The following NKX6-1 variants were observed in gnomAD, a reference collection of about 807,000 sequenced individuals.
NKX6-1 encodes NK6 homeobox 1, also known as homeobox protein Nkx-6.1.
Under a neutral mutation model 24.9 loss-of-function variants are expected in NKX6-1, and 11 were observed. The ratio of observed to expected loss-of-function variants is 0.44; its 90% CI spans 0.28 to 0.73. The LOEUF (loss-of-function observed/expected upper bound fraction) is 0.73. Ranked by LOEUF, NKX6-1 falls within the 30% of genes least tolerant of loss-of-function variation. The probability of loss-of-function intolerance (pLI) is 0.15; values close to 1 mark genes in which losing one functional copy is unlikely to be tolerated. For synonymous variants in NKX6-1, 277 were observed against 242.9 expected (o/e 1.14, Z -1.31); for missense variants, 487 against 502.9 (o/e 0.97, Z 0.30).
Position 84,497,135 on chromosome 4 carries a change from C to A in NKX6-1, c.670+424G>T, listed in dbSNP as rs1276907229. On this transcript the variant is annotated intron_variant, in intron 1 of 2. Coordinates refer to ENST00000295886, the MANE Select transcript of NKX6-1 (RefSeq NM_006168.3). This position sits in a 1 kb window ranked among gnomAD's most constrained non-coding sequence, Gnocchi z 4.8. ...GGCGAAGGCGGAATGGGGCGCTGGA[C>A]GACAGGGAGGAGCCGGGAAAGCAGA... Among the ~76,000 whole-genome samples, 1 of 152,134 alleles carries A rather than the reference C, an allele frequency of 6.6e-6. No individual in the cohort carries two copies. Among genetic ancestry groups the A allele is most frequent in the East Asian group, 1.9e-4 (1 of 5,142 alleles).
Position 84,493,801 on chromosome 4 carries a change from T to C in NKX6-1, c.844-252A>G, listed in dbSNP as rs1332608875. ...CGATGGTAACACAAGAGTATTGAGG[T>C]TGTCAGTGAGCGAGTTCTCAAAAGT... On this transcript the variant is annotated intron_variant, in intron 2 of 2. Transcript: ENST00000295886. This position sits in a 1 kb window ranked among gnomAD's most constrained non-coding sequence, Gnocchi z 5.1. 6.6e-6 allele frequency among the ~76,000 whole-genome samples: 1 copy of C among 152,090 alleles called. No homozygotes were observed. Among genetic ancestry groups the C allele is most frequent in the African/African-American group, 2.4e-5 (1 of 41,386 alleles).
chr4:84,496,327 C>T (rs572707098), intron 1 of NKX6-1, among the ~76,000 whole-genome samples: 1 of 151,946 alleles, frequency 6.6e-6, no homozygotes, highest in South Asian at 2.1e-4. Context: ...AGAGCTAAAT[C>T]GCCCCCAAGT....
chr4:84,495,280 C>G (rs988418901), intron 2 of NKX6-1, among the ~76,000 whole-genome samples: 1 of 152,160 alleles, frequency 6.6e-6, no homozygotes, highest in African/African-American at 2.4e-5. Flanking sequence ...CCTGAATTGA[C>G]AAACAAAAAC....
At position 84,493,193 on chromosome 4, in the gene NKX6-1, G is replaced by A. The variant is rs901833511; in HGVS notation, c.*96C>T. 3.9e-5 allele frequency: 47 copies of A among 1,203,732 alleles called. No individual in the cohort carries two copies. The highest frequency in any genetic ancestry group is 4.8e-5 in the African/African-American group (3 of 62,176). The allele number at this position is 1,203,732 out of a possible 1,614,324, so 74.6% of individuals were successfully genotyped here. ...GGCAGGGCCGGGTCCTCCGGGCCCC[G>A]AGGAGCGGGCAGGCGCGGCGTGCAC... On this transcript the variant is annotated 3_prime_UTR_variant, in exon 3 of 3. Coordinates refer to ENST00000295886, the MANE Select transcript of NKX6-1 (RefSeq NM_006168.3). The surrounding 1 kb of genome is among the most constrained non-coding windows in gnomAD (Gnocchi z 5.1).
rs775016714 is a variant in NKX6-1, at chr4:84,497,952, C to T, written c.277G>A (p.Ala93Thr). Residue 93 changes from alanine to threonine, a missense_variant, in exon 1 of 3, where the codon GCC becomes ACC. Around this residue, in one of 3 missense-constraint regions of NKX6-1, gnomAD observed 316 missense variants for 311.4 expected, o/e 1.01. Transcript: ENST00000295886. The surrounding 1 kb of genome is among the most constrained non-coding windows in gnomAD (Gnocchi z 4.8). ...LGSPPQQLSA[A>T]TPHGINDILS... Reference sequence around the variant, plus strand: ...ATATCGTTGATGCCGTGTGGGGTGGCGGCCGAGAGCTGCTGCGGGGGGCTG... The same window carrying T: ...ATATCGTTGATGCCGTGTGGGGTGGTGGCCGAGAGCTGCTGCGGGGGGCTG... 13 of 1,299,362 alleles carry T rather than the reference C, an allele frequency of 1.0e-5. No homozygotes were observed. Among genetic ancestry groups the T allele is most frequent in the Non-Finnish European group, 1.3e-5 (13 of 1,020,258 alleles). 80.5% of individuals were successfully genotyped at this position (1,299,362 alleles called of 1,614,324 possible).
chr4:84,497,593 C>T lies in NKX6-1; in HGVS notation c.636G>A (p.Pro212=), dbSNP rs556633567. ...AGGCCAGGCGTGCGTCCCTCCAGGGCGGGCTCTGCATCACTCCGGGCCAGA... is the reference window on the plus strand; with the variant it reads ...AGGCCAGGCGTGCGTCCCTCCAGGGTGGGCTCTGCATCACTCCGGGCCAGA... ...PIFWPGVMQS[P]PWRDARLACT... is the part of the protein sequence containing the mutation. The change falls in exon 1 of 3, where the codon CCG becomes CCA. Residue 212 remains proline (P), a synonymous_variant. Transcript: ENST00000295886. This position sits in a 1 kb window ranked among gnomAD's most constrained non-coding sequence, Gnocchi z 4.8. The T allele has an allele frequency of 1.6e-6, 2 of 1,271,852 alleles. No individual in the cohort carries two copies. The highest frequency in any genetic ancestry group is 1.5e-5 in the African/African-American group (1 of 64,778). The allele number at this position is 1,271,852 out of a possible 1,614,324, so 78.8% of individuals were successfully genotyped here.
rs77793345 is a variant in NKX6-1 at position 84,493,955 on chromosome 4, T to C, written c.844-406A>G. 3.3e-3 allele frequency among the ~76,000 whole-genome samples: 508 copies of C among 152,346 alleles called. 3 individuals carry two copies. The highest frequency in any genetic ancestry group is 0.01 in the Middle Eastern group (3 of 294). ...CCACAGTGGCTGTGATTTTATTCCTTATTTACTTTCTTAAATTAAGAAATT... is the reference window on the plus strand; with the variant it reads ...CCACAGTGGCTGTGATTTTATTCCTCATTTACTTTCTTAAATTAAGAAATT... On this transcript the variant is annotated intron_variant, in intron 2 of 2. Coordinates refer to ENST00000295886, the MANE Select transcript of NKX6-1 (RefSeq NM_006168.3). The surrounding 1 kb of genome is among the most constrained non-coding windows in gnomAD (Gnocchi z 5.1).
At position 84,498,717 on chromosome 4, in the gene NKX6-1, C is replaced by T. The variant is rs1454919693; in HGVS notation, c.-489G>A. Among the ~76,000 whole-genome samples the T allele has an allele frequency of 1.3e-5, 2 of 152,194 alleles. No individual in the cohort carries two copies. Among genetic ancestry groups the T allele is most frequent in the Non-Finnish European group, 2.9e-5 (2 of 68,046 alleles). On this transcript the variant is annotated 5_prime_UTR_variant, in exon 1 of 3. Coordinates refer to ENST00000295886, the MANE Select transcript of NKX6-1 (RefSeq NM_006168.3). ...GAGGTTCAAAGGACGCCTTGTGCAG[C>T]CCGTGGCGCTCCTCTGATCTTACTG...
At position 84,497,788 on chromosome 4, in the gene NKX6-1, T is replaced by C. The variant is rs1315993227; in HGVS notation, c.441A>G (p.Ala147=). Residue 147 remains alanine, a synonymous_variant, in exon 1 of 3, where the codon GCA becomes GCG. Transcript: ENST00000295886. This position sits in a 1 kb window ranked among gnomAD's most constrained non-coding sequence, Gnocchi z 4.8. The part of the protein sequence containing the change: ...SAAAAAAAAA[A]AAASSPAGLL... Reference sequence around the variant, plus strand: ...GCCCCGCCGGGGATGAGGCGGCGGCTGCGGCCGCGGCAGCAGCCGCGGCGG... The same window carrying C: ...GCCCCGCCGGGGATGAGGCGGCGGCCGCGGCCGCGGCAGCAGCCGCGGCGG... The C allele has an allele frequency of 1.1e-5, 14 of 1,271,024 alleles. No homozygotes were observed. The highest frequency in any genetic ancestry group is 1.4e-5 in the Non-Finnish European group (14 of 1,012,300). The allele number at this position is 1,271,024 out of a possible 1,614,324, so 78.7% of individuals were successfully genotyped here. A position where few individuals can be genotyped will look rare whatever the true frequency, so the allele number is the denominator to read the frequency against.
At position 84,493,030 on chromosome 4, in the gene NKX6-1, A is replaced by G. The variant is rs565926645; in HGVS notation, c.*259T>C. 6 of 268,648 alleles carry G rather than the reference A, an allele frequency of 2.2e-5. 1 individual carries two copies. The highest frequency in any genetic ancestry group is 1.1e-4 in the Admixed American group (2 of 18,604). 16.6% of individuals were successfully genotyped at this position (268,648 alleles called of 1,614,324 possible). On this transcript the variant is annotated 3_prime_UTR_variant, in exon 3 of 3. Transcript: ENST00000295886. The surrounding 1 kb of genome is among the most constrained non-coding windows in gnomAD (Gnocchi z 5.1). ...CCGTGGCCCGGCTGCGGGTTTCAGT[A>G]GCGACATTTACGCAGTGCATTTGGT...
At chr4:84,496,130 A>G (rs957833217) in intron 1 of NKX6-1, among the ~76,000 whole-genome samples, 4 of 152,178 alleles carry the variant, frequency 2.6e-5, no homozygotes, top group Admixed American at 6.5e-5. Context: ...AGTTTGCCAG[A>G]GCCTAATCGC....
chr4:84,497,691 T>C lies in NKX6-1; in HGVS notation c.538A>G (p.Ser180Gly). ...CCCACGGCGGCCACGGCCGCGGCGC[T>C]GGGGCTGAAGTAGAGCCCGGGCGGC... ...PPPPGLYFSP[S>G]AAAVAAVGRY... Residue 180 changes from serine to glycine, a missense_variant, in exon 1 of 3, where the codon AGC (serine) becomes GGC (glycine). Around this residue, in one of 3 missense-constraint regions of NKX6-1, gnomAD observed 316 missense variants for 311.4 expected, o/e 1.01. Coordinates refer to ENST00000295886, the MANE Select transcript of NKX6-1 (RefSeq NM_006168.3). The surrounding 1 kb of genome is among the most constrained non-coding windows in gnomAD (Gnocchi z 4.8). 7.9e-7 allele frequency: 1 copy of C among 1,271,042 alleles called. No homozygotes were observed. 78.7% of individuals were successfully genotyped at this position (1,271,042 alleles called of 1,614,324 possible).
rs1720850357 is a variant in NKX6-1, at chr4:84,497,782, GGCGGCTGCGGCC to G, written c.435_446del (p.Ala147_Ala150del). 2 of 1,273,060 alleles carry G rather than the reference GGCGGCTGCGGCC, an allele frequency of 1.6e-6. No individual in the cohort carries two copies. Among genetic ancestry groups the G allele is most frequent in the Non-Finnish European group, 2.0e-6 (2 of 1,013,294 alleles). 78.9% of individuals were successfully genotyped at this position (1,273,060 alleles called of 1,614,324 possible). A position where few individuals can be genotyped will look rare whatever the true frequency, so the allele number is the denominator to read the frequency against. On this transcript the variant is annotated inframe_deletion, in exon 1 of 3. Coordinates refer to ENST00000295886, the MANE Select transcript of NKX6-1 (RefSeq NM_006168.3). The surrounding 1 kb of genome is among the most constrained non-coding windows in gnomAD (Gnocchi z 4.8). ...CCAGCAGCCCCGCCGGGGATGAGGC[GGCGGCTGCGGCC>G]GCGGCAGCAGCCGCGGCGGCGGCAG...
rs1347345857 is a variant in NKX6-1, at chr4:84,498,622, T to A, written c.-394A>T. 6.6e-6 allele frequency among the ~76,000 whole-genome samples: 1 copy of A among 151,930 alleles called. No individual in the cohort carries two copies. The highest frequency in any genetic ancestry group is 1.9e-4 in the East Asian group (1 of 5,154). On this transcript the variant is annotated 5_prime_UTR_variant, in exon 1 of 3. Coordinates refer to ENST00000295886, the MANE Select transcript of NKX6-1 (RefSeq NM_006168.3). The stretch of plus-strand genomic sequence containing the variant: ...CAAAACCCAGGCTGGCTCCGGAGAG[T>A]TTGTAGCAAAGTTAGTTGCCGAATC...
At position 84,497,733 on chromosome 4, in the gene NKX6-1, G is replaced by T; in HGVS notation, c.496C>A (p.Leu166Met). 7.8e-7 allele frequency: 1 copy of T among 1,275,910 alleles called. No individual in the cohort carries two copies. The highest frequency in any genetic ancestry group is 9.9e-7 in the Non-Finnish European group (1 of 1,011,330). 79.0% of individuals were successfully genotyped at this position (1,275,910 alleles called of 1,614,324 possible). Reference sequence around the variant, plus strand: ...CCGGGCGGCGGCGGCGGCGGGCTCAGGCTGCTAAAGCGTGGCAGTCCGGCC... The same window carrying T: ...CCGGGCGGCGGCGGCGGCGGGCTCATGCTGCTAAAGCGTGGCAGTCCGGCC... ...LLAGLPRFSS[L>M]SPPPPPPGLY... The change falls in exon 1 of 3, where the codon CTG (leucine) becomes ATG (methionine). Residue 166 changes from leucine (L) to methionine (M), a missense_variant. By Grantham distance (15) the Leu-to-Met change is conservative. Coordinates refer to ENST00000295886, the MANE Select transcript of NKX6-1 (RefSeq NM_006168.3). The surrounding 1 kb of genome is among the most constrained non-coding windows in gnomAD (Gnocchi z 4.8).
chr4:84,493,594 ATTAAAC>A lies in NKX6-1; in HGVS notation c.844-51_844-46del. The A allele has an allele frequency of 6.2e-7, 1 of 1,609,048 alleles. No individual in the cohort carries two copies. Among genetic ancestry groups the A allele is most frequent in the Non-Finnish European group, 8.5e-7 (1 of 1,176,972 alleles). On this transcript the variant is annotated intron_variant, in intron 2 of 2. Coordinates refer to ENST00000295886, the MANE Select transcript of NKX6-1 (RefSeq NM_006168.3). This position sits in a 1 kb window ranked among gnomAD's most constrained non-coding sequence, Gnocchi z 5.1. ...AGGAGAGGGGAGGCAAGGGCGAGGAATTAAACGAGCAGATCCAGGCCATGCTACCAC... is the reference window on the plus strand; with the variant it reads ...AGGAGAGGGGAGGCAAGGGCGAGGAAGAGCAGATCCAGGCCATGCTACCAC...
In NKX6-1 at chr4:84,492,808, G is replaced by GT. The variant is rs1452474364; in HGVS notation, c.*480dup. On this transcript the variant is annotated 3_prime_UTR_variant, in exon 3 of 3. Transcript: ENST00000295886. ...GGTTACTTTAGTTGCACAGCAGTGT[G>GT]TGGGGGGGGAAACGTCCCTCTTCCC... is the stretch of plus-strand genomic sequence containing the variant. 6.5e-6 allele frequency: 1 copy of GT among 153,410 alleles called. No individual in the cohort carries two copies. Among genetic ancestry groups the GT allele is most frequent in the Non-Finnish European group, 1.5e-5 (1 of 68,952 alleles). The allele number at this position is 153,410 out of a possible 1,614,324, so 9.5% of individuals were successfully genotyped here. A position where few individuals can be genotyped will look rare whatever the true frequency, so the allele number is the denominator to read the frequency against.
At position 84,493,555 on chromosome 4, in the gene NKX6-1, G is replaced by T. The variant is rs777471252; in HGVS notation, c.844-6C>A. ...CGGCGGTTCTGGAACCAGACCTGAGGGCGGAGAAAAGGGAGGAGAGGGGAG... is the reference window on the plus strand; with the variant it reads ...CGGCGGTTCTGGAACCAGACCTGAGTGCGGAGAAAAGGGAGGAGAGGGGAG... On this transcript the variant is annotated splice_region_variant and splice_polypyrimidine_tract_variant and intron_variant, in intron 2 of 2. Transcript: ENST00000295886. The surrounding 1 kb of genome is among the most constrained non-coding windows in gnomAD (Gnocchi z 5.1). The T allele has an allele frequency of 2.5e-6, 4 of 1,613,804 alleles. No homozygotes were observed. Among genetic ancestry groups the T allele is most frequent in the Non-Finnish European group, 3.4e-6 (4 of 1,179,864 alleles).
rs1236137117 is a variant in NKX6-1, at chr4:84,498,884, A to G, written c.-656T>C. 6.6e-6 allele frequency among the ~76,000 whole-genome samples: 1 copy of G among 152,216 alleles called. No individual in the cohort carries two copies. Among genetic ancestry groups the G allele is most frequent in the Non-Finnish European group, 1.5e-5 (1 of 68,020 alleles). Reference sequence around the variant, plus strand: ...CGCTGCCCCGGGCTGCTGCGCCAGAAAGGGCAGTGCCACGGATCCCCGCGG... The same window carrying G: ...CGCTGCCCCGGGCTGCTGCGCCAGAGAGGGCAGTGCCACGGATCCCCGCGG... On this transcript the variant is annotated 5_prime_UTR_variant, in exon 1 of 3. Transcript: ENST00000295886.
Sources: allele counts gnomAD v4.1 joint callset (sites outside exome capture counted in the v4.1 genomes callset), GRCh38; gene constraint gnomAD v4.1.1; regional missense constraint gnomAD v4.1.1; non-coding constraint Gnocchi (gnomAD v3.1); transcripts MANE v1.5; gene names NCBI Gene and HGNC (gene_info 2026-07-23, HGNC 2026-07-21).